The following PDE6A variants were observed in gnomAD, a reference collection of about 807,000 sequenced individuals.
PDE6A encodes the protein rod cGMP-specific 3',5'-cyclic phosphodiesterase subunit alpha.
In PDE6A, 84 loss-of-function variants were observed where a neutral mutation model predicts 106.3. That is an observed-to-expected ratio of 0.79 (90% CI 0.66 to 0.95). The LOEUF (loss-of-function observed/expected upper bound fraction) is 0.95, where lower values mean the gene tolerates loss of function less well. Ranked by LOEUF, PDE6A falls within the 40% of genes least tolerant of loss-of-function variation. The probability of loss-of-function intolerance (pLI) is 0.00; values close to 1 mark genes in which losing one functional copy is unlikely to be tolerated. For synonymous variants in PDE6A, 394 were observed against 386.6 expected (o/e 1.02, Z -0.23); for missense variants, 1,052 against 1,084.9 (o/e 0.97, Z 0.43).
intron 17 of PDE6A, among the ~76,000 whole-genome samples, chr5:149,881,760 A>G (rs2113544454): frequency 6.6e-6 from 1 of 152,310 alleles, no homozygotes; most frequent in Non-Finnish European, 1.5e-5. Flanking sequence ...GAAATTATAA[A>G]TAAATAAATG....
chr5:149,927,443 A>G (rs950140551), intron 4 of PDE6A, among the ~76,000 whole-genome samples: 1 of 152,098 alleles, frequency 6.6e-6, no homozygotes, highest in Non-Finnish European at 1.5e-5. Flanking sequence ...TTTTTAATTA[A>G]TTAATTAATT....
Position 149,931,150 on chromosome 5 carries a change from T to A in PDE6A, c.736A>T (p.Ser246Cys), listed in dbSNP as rs1323978936. ...RRGQILLWSG[S>C]KVFEELTDIE... ...TCCGTAAGTTCTTCAAAGACTTTGC[T>A]CCCAGACCACAGCAGTATCTGAAAA... The change falls in exon 4 of 22, where the codon AGC (serine) becomes TGC (cysteine). Residue 246 changes from serine to cysteine, a missense_variant. Ser to Cys is a moderately radical substitution (Grantham distance 112). Around this residue, in one of 3 missense-constraint regions of PDE6A, gnomAD observed 913 missense variants for 915.2 expected, o/e 1.00. Transcript: ENST00000255266. 2 of 1,614,122 alleles carry A rather than the reference T, an allele frequency of 1.2e-6. No individual in the cohort carries two copies. Among genetic ancestry groups the A allele is most frequent in the Non-Finnish European group, 8.5e-7 (1 of 1,180,028 alleles).
intron 4 of PDE6A, among the ~76,000 whole-genome samples, chr5:149,923,908 T>G (rs945248966): frequency 6.6e-6 from 1 of 152,174 alleles, no homozygotes; most frequent in Non-Finnish European, 1.5e-5. Context: ...TTTGAACATG[T>G]TTGTCATGGT....
At chr5:149,911,710 A>T (rs959606002) in intron 6 of PDE6A, among the ~76,000 whole-genome samples, 1 of 152,104 alleles carries the variant, frequency 6.6e-6, no homozygotes, top group Non-Finnish European at 1.5e-5. Flanking sequence ...ATATTTTTTT[A>T]AATTATTGGC....
rs74891648 is a variant in PDE6A at position 149,907,158 on chromosome 5, C to T, written c.1065+154G>A. Among the ~76,000 whole-genome samples the T allele has an allele frequency of 9.0e-3, 1,374 of 152,332 alleles. 6 individuals are homozygous for T. The highest frequency in any genetic ancestry group is 0.014 in the Non-Finnish European group (976 of 68,032). The stretch of plus-strand genomic sequence containing the variant: ...TCAATTATCTGTTCATTCATTTAGA[C>T]CAGTTGCCAACTGAATTGAGAGAAA... On this transcript the variant is annotated intron_variant, in intron 7 of 21. Coordinates refer to ENST00000255266, the MANE Select transcript of PDE6A (RefSeq NM_000440.3).
intron 6 of PDE6A, among the ~76,000 whole-genome samples, chr5:149,911,443 G>T (rs984588038): frequency 1.3e-5 from 2 of 152,070 alleles, no homozygotes; most frequent in African/African-American, 4.8e-5. Flanking sequence ...CCCAATTCTA[G>T]AATCTCAAAT....
intron 3 of PDE6A, chr5:149,932,013 C>G (rs1318653364): frequency 1.3e-6 from 2 of 1,499,912 alleles, no homozygotes; most frequent in African/African-American, 2.8e-5. Context: ...TTACCTCTAG[C>G]GGCAAAACCA....
rs769678045 is a variant in PDE6A, at chr5:149,899,301, C to T, written c.1263+74G>A. ...ACCAGGTTGCTGCCCCATGTGATAGCGCAGTGACACCCAGCCTCCCCCAGC... is the reference window on the plus strand; with the variant it reads ...ACCAGGTTGCTGCCCCATGTGATAGTGCAGTGACACCCAGCCTCCCCCAGC... On this transcript the variant is annotated intron_variant, in intron 9 of 21. Coordinates refer to ENST00000255266, the MANE Select transcript of PDE6A (RefSeq NM_000440.3). 86 of 1,470,232 alleles carry T rather than the reference C, an allele frequency of 5.8e-5. 1 individual carries two copies. The highest frequency in any genetic ancestry group is 9.1e-5 in the South Asian group (8 of 88,058). The allele number at this position is 1,470,232 out of a possible 1,614,324, so 91.1% of individuals were successfully genotyped here.
chr5:149,862,416 G>A (rs2113492616), intron 21 of PDE6A, among the ~76,000 whole-genome samples: 1 of 152,310 alleles, frequency 6.6e-6, no homozygotes, highest in East Asian at 1.9e-4. Flanking sequence ...GCTCATGATG[G>A]TATAGATAGG....
In PDE6A at chr5:149,931,012, G is replaced by A; in HGVS notation, c.858+16C>T. ...TAATCTTTTCTTGGAAATGTCTGTTGCTGAAGTTTTCTCACCTTCTGCTTG... is the reference window on the plus strand; with the variant it reads ...TAATCTTTTCTTGGAAATGTCTGTTACTGAAGTTTTCTCACCTTCTGCTTG... On this transcript the variant is annotated intron_variant, in intron 4 of 21. Transcript: ENST00000255266. The A allele has an allele frequency of 1.2e-6, 2 of 1,613,318 alleles. No homozygotes were observed. Among genetic ancestry groups the A allele is most frequent in the Non-Finnish European group, 1.7e-6 (2 of 1,179,372 alleles).
At chr5:149,906,320 G>A (rs557262437) in intron 7 of PDE6A, among the ~76,000 whole-genome samples, 3 of 151,512 alleles carry the variant, frequency 2.0e-5, no homozygotes, top group East Asian at 2.0e-4. Flanking sequence ...GAAACCAGGT[G>A]TTCGAAACCA....
intron 12 of PDE6A, among the ~76,000 whole-genome samples, chr5:149,895,795 G>GGAGAGAGAGAGAGAGAGAAAGAGGA (rs146467632): frequency 6.6e-6 from 1 of 151,510 alleles, no homozygotes; most frequent in African/African-American, 2.4e-5. Flanking sequence ...GAGAGAAAGA[G>GGAGAGAGAGAGAGAGAGAAAGAGGA]GAGAGAGAGA....
At chr5:149,938,435 G>A (rs975640685) in intron 1 of PDE6A, among the ~76,000 whole-genome samples, 1 of 152,170 alleles carries the variant, frequency 6.6e-6, no homozygotes, top group African/African-American at 2.4e-5. Flanking sequence ...GGAAGTGCTG[G>A]TGAAGGGCTG....
chr5:149,927,070 C>T (rs559600696), intron 4 of PDE6A, among the ~76,000 whole-genome samples: 28 of 151,728 alleles, frequency 1.8e-4, no homozygotes, highest in South Asian at 4.2e-4. Flanking sequence ...GGGATATGCT[C>T]CAGGAAATGT....
At chr5:149,885,605 T>C (rs1752266096) in intron 14 of PDE6A, among the ~76,000 whole-genome samples, 1 of 152,220 alleles carries the variant, frequency 6.6e-6, no homozygotes, top group Admixed American at 6.5e-5. Context: ...GAATGAACCA[T>C]TACTGGTTAT....
intron 12 of PDE6A, 55 bp downstream of exon 12, chr5:149,896,301 G>A: frequency 1.4e-6 from 2 of 1,433,320 alleles, no homozygotes; most frequent in South Asian, 1.2e-5. Flanking sequence ...TTTTTTTAAA[G>A]CAAGCAAGAA....
At chr5:149,938,009 A>C (rs1056739645) in intron 1 of PDE6A, among the ~76,000 whole-genome samples, 3 of 152,186 alleles carry the variant, frequency 2.0e-5, no homozygotes, top group Non-Finnish European at 4.4e-5. Flanking sequence ...TTGAGCACTC[A>C]CTATGCCAGG....
At chr5:149,861,810 AT>A (rs1374918322) in intron 21 of PDE6A, among the ~76,000 whole-genome samples, 2 of 152,164 alleles carry the variant, frequency 1.3e-5, no homozygotes, top group African/African-American at 4.8e-5. Context: ...CCAAATCTGT[AT>A]TTTTTTATCT....
At chr5:149,888,819 C>G (rs1020545095) in intron 13 of PDE6A, among the ~76,000 whole-genome samples, 14 of 152,064 alleles carry the variant, frequency 9.2e-5, no homozygotes, top group African/African-American at 3.4e-4. Context: ...TGCGGTGGCT[C>G]ACGCCTGTAA....
Sources: allele counts gnomAD v4.1 joint callset (sites outside exome capture counted in the v4.1 genomes callset), GRCh38; gene constraint gnomAD v4.1.1; regional missense constraint gnomAD v4.1.1; transcripts MANE v1.5; gene names NCBI Gene and HGNC (gene_info 2026-07-23, HGNC 2026-07-21).